NMT2: variants seen among roughly 807,000 people sequenced by gnomAD.
NMT2 encodes the protein glycylpeptide N-tetradecanoyltransferase 2.
Under a neutral mutation model 65.4 loss-of-function variants are expected in NMT2, and 35 were observed. That is an observed-to-expected ratio of 0.54 (90% CI 0.41 to 0.71). The LOEUF (loss-of-function observed/expected upper bound fraction) is 0.71. Ranked by LOEUF, NMT2 falls within the 30% of genes least tolerant of loss-of-function variation. The pLI, the probability that NMT2 is intolerant of heterozygous loss-of-function variation, is 0.00. For synonymous variants in NMT2, 226 were observed against 231.8 expected, an observed-to-expected ratio of 0.98 and a Z score of 0.23; for missense variants, 489 against 611.3, an observed-to-expected ratio of 0.80 and a Z score of 2.11.
chr10:15,147,179 A>G lies in NMT2; in HGVS notation c.111-5622T>C, dbSNP rs1212416430. Reference sequence around the variant, plus strand: ...AATTTTTGGTATGTGAATTCCAAGGATAAAAAGTAATTTTAAATTTTATCA... The same window carrying G: ...AATTTTTGGTATGTGAATTCCAAGGGTAAAAAGTAATTTTAAATTTTATCA... On this transcript the variant is annotated intron_variant, in intron 1 of 11. Transcript: ENST00000378165. Among the ~76,000 whole-genome samples, 3 of 149,862 alleles carry G rather than the reference A, an allele frequency of 2.0e-5. No homozygotes were observed. The Admixed American group carries it at 2.0e-4, about 10-fold the overall frequency.
chr10:15,138,241 C>T (rs1589329891), intron 2 of NMT2, among the ~76,000 whole-genome samples: 1 of 152,144 alleles, frequency 6.6e-6, no homozygotes, highest in South Asian at 2.1e-4. Context: ...GAACTCCTGA[C>T]ATCAAGTGAT....
At chr10:15,129,801 C>T (rs1317230577) in intron 7 of NMT2, among the ~76,000 whole-genome samples, 4 of 150,464 alleles carry the variant, frequency 2.7e-5, no homozygotes, top group East Asian at 2.0e-4. Context: ...CCCAGCTACT[C>T]GGGAAGCTGA....
At chr10:15,138,994 C>A (rs576096164) in intron 2 of NMT2, among the ~76,000 whole-genome samples, 4 of 152,182 alleles carry the variant, frequency 2.6e-5, no homozygotes, top group South Asian at 2.1e-4. Context: ...TGCAGACCCA[C>A]CCTTAATCTG....
chr10:15,122,182 A>G (rs1845948855), intron 8 of NMT2, among the ~76,000 whole-genome samples: 1 of 152,216 alleles, frequency 6.6e-6, no homozygotes, highest in South Asian at 2.1e-4. Flanking sequence ...TTCAGTAACA[A>G]TCAACAATAT....
At chr10:15,146,791 C>A (rs1156343026) in intron 1 of NMT2, among the ~76,000 whole-genome samples, 2 of 152,098 alleles carry the variant, frequency 1.3e-5, no homozygotes, top group Non-Finnish European at 2.9e-5. Flanking sequence ...ACTAACACAT[C>A]AATCTTAAGA....
chr10:15,118,568 A>C (rs748254815), intron 9 of NMT2, among the ~76,000 whole-genome samples: 4 of 151,490 alleles, frequency 2.6e-5, no homozygotes, highest in Middle Eastern at 3.4e-3. Flanking sequence ...ACCTTTCATA[A>C]ATCAGTAAGA....
intron 10 of NMT2, among the ~76,000 whole-genome samples, chr10:15,110,767 ATATTT>A (rs1845485880): frequency 6.6e-6 from 1 of 152,140 alleles, no homozygotes; most frequent in African/African-American, 2.4e-5. Context: ...ATTTCAGAAA[ATATTT>A]TATTTATGTT....
chr10:15,162,818 GTATTTGATATTTATATATCTCTATA>G (rs1257182387), intron 1 of NMT2, among the ~76,000 whole-genome samples: 1 of 146,652 alleles, frequency 6.8e-6, no homozygotes. Flanking sequence ...TTATATATCT[GTATTTGATATTTATATATCTCTATA>G]TATTTGATAT....
Position 15,155,715 on chromosome 10 carries a change from ATCT to A in NMT2, c.110+12785_110+12787del, listed in dbSNP as rs369480219. Among the ~76,000 whole-genome samples the A allele has an allele frequency of 2.7e-3, 417 of 152,010 alleles. 1 individual carries two copies. The highest frequency in any genetic ancestry group is 9.3e-3 in the African/African-American group (385 of 41,460). Reference sequence around the variant, plus strand: ...TTCCTTCTTACAACCACAGTATGTGATCTTCTTTTCTTATTGAGAACTTTCACC... The same window carrying A: ...TTCCTTCTTACAACCACAGTATGTGATCTTTTCTTATTGAGAACTTTCACC... On this transcript the variant is annotated intron_variant, in intron 1 of 11. Coordinates refer to ENST00000378165, the MANE Select transcript of NMT2 (RefSeq NM_004808.3).
intron 7 of NMT2, 134 bp from the exon 8 acceptor site, chr10:15,128,592 GTCA>G (rs1846176374): frequency 1.6e-6 from 1 of 615,976 alleles, no homozygotes; most frequent in Non-Finnish European, 2.9e-6. Flanking sequence ...CTCATCCTAT[GTCA>G]TCATTTTATC....
chr10:15,149,490 T>C (rs1202069499), intron 1 of NMT2, among the ~76,000 whole-genome samples: 2 of 96,512 alleles, frequency 2.1e-5, no homozygotes, highest in African/African-American at 4.1e-5. Flanking sequence ...ACCATCATCA[T>C]CACCATCATC....
At chr10:15,119,203 A>T in intron 9 of NMT2, 140 bp downstream of exon 9, 1 of 762,162 alleles carries the variant, frequency 1.3e-6, no homozygotes. Context: ...TATTAATCTT[A>T]TTAACTCTCT....
intron 8 of NMT2, among the ~76,000 whole-genome samples, chr10:15,126,095 A>G (rs1045209090): frequency 1.3e-5 from 2 of 151,978 alleles, no homozygotes; most frequent in African/African-American, 4.8e-5. Flanking sequence ...TGCTCCTGTT[A>G]CGTGTGGGCA....
chr10:15,108,397 G>C lies in NMT2; in HGVS notation c.*798C>G. On this transcript the variant is annotated 3_prime_UTR_variant, in exon 12 of 12. Transcript: ENST00000378165. ...AGATGGGGTTTCACTATGTTGGCCA[G>C]AATGGTCTCGATCTCCTGACCTCAT... The C allele has an allele frequency of 3.4e-6, 2 of 590,044 alleles. No homozygotes were observed. Among genetic ancestry groups the C allele is most frequent in the Non-Finnish European group, 4.3e-6 (2 of 469,514 alleles). The allele number at this position is 590,044 out of a possible 1,614,324, so 36.6% of individuals were successfully genotyped here. A position where few individuals can be genotyped will look rare whatever the true frequency, so the allele number is the denominator to read the frequency against.
chr10:15,161,995 G>A (rs1833214762), intron 1 of NMT2, among the ~76,000 whole-genome samples: 1 of 152,202 alleles, frequency 6.6e-6, no homozygotes, highest in African/African-American at 2.4e-5. Context: ...GCTCACGCCT[G>A]TAGTCCCAAC....
intron 9 of NMT2, among the ~76,000 whole-genome samples, chr10:15,115,876 G>A (rs190684481): frequency 2.6e-5 from 4 of 152,236 alleles, no homozygotes; most frequent in Admixed American, 6.5e-5. Flanking sequence ...AATCCACTAG[G>A]GAGACACAAA....
At chr10:15,126,681 T>A (rs1846084021) in intron 8 of NMT2, among the ~76,000 whole-genome samples, 1 of 152,090 alleles carries the variant, frequency 6.6e-6, no homozygotes, top group African/African-American at 2.4e-5. Flanking sequence ...TGGAAATGGA[T>A]CCTTCCCTAG....
chr10:15,107,506 G>A lies in NMT2; in HGVS notation c.*1689C>T, dbSNP rs1266930345. 3 of 911,394 alleles carry A rather than the reference G, an allele frequency of 3.3e-6. No individual in the cohort carries two copies. The allele number at this position is 911,394 out of a possible 1,614,324, so 56.5% of individuals were successfully genotyped here. On this transcript the variant is annotated 3_prime_UTR_variant, in exon 12 of 12. Coordinates refer to ENST00000378165, the MANE Select transcript of NMT2 (RefSeq NM_004808.3). Reference sequence around the variant, plus strand: ...CTTGCACTGTCACCCAGGCTGGAGTGCAGTGGCACGATCTTGGCTCACTGC... The same window carrying A: ...CTTGCACTGTCACCCAGGCTGGAGTACAGTGGCACGATCTTGGCTCACTGC...
rs1846174032 is a variant in NMT2, at chr10:15,128,532, G to A, written c.891-74C>T. 5 of 931,954 alleles carry A rather than the reference G, an allele frequency of 5.4e-6. No individual in the cohort carries two copies. In the South Asian group the frequency reaches 6.9e-5, roughly 13 times the overall value. 57.7% of individuals were successfully genotyped at this position (931,954 alleles called of 1,614,324 possible). A position where few individuals can be genotyped will look rare whatever the true frequency, so the allele number is the denominator to read the frequency against. On this transcript the variant is annotated intron_variant, in intron 7 of 11. Transcript: ENST00000378165. The stretch of plus-strand genomic sequence containing the variant: ...AGTTTTCACTCTTTGTCTCAGCTTG[G>A]CTGTTACATAAGCATTTACTGAATA...
Sources: allele counts gnomAD v4.1 joint callset (sites outside exome capture counted in the v4.1 genomes callset), GRCh38; gene constraint gnomAD v4.1.1; transcripts MANE v1.5; gene names NCBI Gene and HGNC (gene_info 2026-07-23, HGNC 2026-07-21).